Variants in ADGRB3 observed in about 807,000 individuals in gnomAD.
ADGRB3 encodes the protein brain-specific angiogenesis inhibitor 3.
In ADGRB3, 37 loss-of-function variants were observed where a neutral mutation model predicts 193.4. That is an observed-to-expected ratio of 0.19 (90% CI 0.15 to 0.25). The LOEUF (loss-of-function observed/expected upper bound fraction) is 0.25, where lower values mean the gene tolerates loss of function less well. ADGRB3 is among the 10% of genes least tolerant of loss of function. The probability of loss-of-function intolerance (pLI) is 1.00; values close to 1 mark genes in which losing one functional copy is unlikely to be tolerated. For missense variants in ADGRB3, 1,637 were observed against 1,852.9 expected (o/e 0.88, Z 2.14); for synonymous variants, 690 against 644.2 (o/e 1.07, Z -1.08).
chr6:69,332,544 C>T, intron 23 of ADGRB3: 1 of 985,406 alleles, frequency 1.0e-6, no homozygotes, highest in South Asian at 4.7e-5. Context: ...CTCTAAGATT[C>T]AGAATCTCCT....
At chr6:69,024,858 C>T (rs983296794) in intron 13 of ADGRB3, among the ~76,000 whole-genome samples, 3 of 151,928 alleles carry the variant, frequency 2.0e-5, no homozygotes, top group Admixed American at 6.6e-5. Context: ...TTTGGGAGGC[C>T]GAGGCAGGCG....
At chr6:68,711,074 A>C (rs1302512872) in intron 3 of ADGRB3, among the ~76,000 whole-genome samples, 2 of 152,034 alleles carry the variant, frequency 1.3e-5, no homozygotes, top group Non-Finnish European at 1.5e-5. Flanking sequence ...GTATCAGTAC[A>C]TTCTTTGTTT....
At chr6:69,232,979 T>C in intron 17 of ADGRB3, 2 of 435,302 alleles carry the variant, frequency 4.6e-6, no homozygotes, top group South Asian at 6.5e-5. Context: ...CTCTGGCGGC[T>C]GCTCGTGCTG....
intron 17 of ADGRB3, among the ~76,000 whole-genome samples, chr6:69,209,395 G>A (rs556510601): frequency 6.6e-5 from 10 of 152,246 alleles, no homozygotes; most frequent in African/African-American, 2.4e-4. Flanking sequence ...CACACCAATA[G>A]GCCCCTAGAA....
chr6:68,780,055 TTTACATTGCA>T, intron 3 of ADGRB3, among the ~76,000 whole-genome samples: 1 of 152,206 alleles, frequency 6.6e-6, no homozygotes, highest in Non-Finnish European at 1.5e-5. Context: ...AACTGGTTGT[TTTACATTGCA>T]TAGCCCCTTT....
chr6:68,888,855 G>A (rs1484463163), intron 3 of ADGRB3, among the ~76,000 whole-genome samples: 1 of 152,170 alleles, frequency 6.6e-6, no homozygotes, highest in Non-Finnish European at 1.5e-5. Context: ...ACAGGAATGT[G>A]CTTGGTCCTC....
At chr6:69,269,472 A>G (rs1268922307) in intron 20 of ADGRB3, among the ~76,000 whole-genome samples, 2 of 152,200 alleles carry the variant, frequency 1.3e-5, no homozygotes, top group Non-Finnish European at 2.9e-5. Context: ...TTGTAGTTGC[A>G]TGTTCAAAAT....
chr6:69,312,435 T>C (rs1259722755), intron 20 of ADGRB3, among the ~76,000 whole-genome samples: 2 of 151,736 alleles, frequency 1.3e-5, no homozygotes, highest in Non-Finnish European at 2.9e-5. Flanking sequence ...ATTTGAAATA[T>C]AAGCACAGAT....
At chr6:68,900,567 G>A (rs560042061) in intron 3 of ADGRB3, among the ~76,000 whole-genome samples, 9 of 152,258 alleles carry the variant, frequency 5.9e-5, no homozygotes, top group African/African-American at 1.4e-4. Flanking sequence ...GACCCATTCT[G>A]TGAATTTCAG....
At chr6:69,092,678 C>T (rs1209931156) in intron 17 of ADGRB3, among the ~76,000 whole-genome samples, 6 of 151,858 alleles carry the variant, frequency 4.0e-5, no homozygotes, top group Non-Finnish European at 5.9e-5. Context: ...CGTAAAGAGA[C>T]GGTTACAGTT....
At chr6:69,035,755 G>A (rs1770849842) in intron 13 of ADGRB3, among the ~76,000 whole-genome samples, 1 of 152,144 alleles carries the variant, frequency 6.6e-6, no homozygotes, top group African/African-American at 2.4e-5. Context: ...GACAGTCAAG[G>A]TGGGCATGAG....
rs1404588128 is a variant in ADGRB3, at chr6:68,635,705, C to G, written c.-483C>G. ...GTCTCCCTTGGGGGGGCTTCTCCCT[C>G]CCTTTAGCCCCCCTCGGTTTGGAGG... On this transcript the variant is annotated 5_prime_UTR_variant, in exon 1 of 32. Transcript: ENST00000370598. 6.6e-6 allele frequency: 1 copy of G among 152,302 alleles called. No individual in the cohort carries two copies. The allele number at this position is 152,302 out of a possible 1,614,324, so 9.4% of individuals were successfully genotyped here.
At chr6:68,832,660 C>T (rs1326026831) in intron 3 of ADGRB3, among the ~76,000 whole-genome samples, 1 of 152,040 alleles carries the variant, frequency 6.6e-6, no homozygotes, top group Admixed American at 6.6e-5. Flanking sequence ...CTAGAAAGAT[C>T]AATTAAGGGT....
intron 17 of ADGRB3, among the ~76,000 whole-genome samples, chr6:69,091,377 A>G (rs960785454): frequency 6.6e-6 from 1 of 152,220 alleles, no homozygotes; most frequent in African/African-American, 2.4e-5. Flanking sequence ...TAGCAAAGAC[A>G]TGGAATCAGC....
intron 3 of ADGRB3, among the ~76,000 whole-genome samples, chr6:68,690,069 T>C (rs1374214186): frequency 6.6e-6 from 1 of 152,156 alleles, no homozygotes; most frequent in Non-Finnish European, 1.5e-5. Flanking sequence ...ATTGAAGCAC[T>C]TGGACTCCTG....
chr6:68,774,364 A>C (rs922674956), intron 3 of ADGRB3, among the ~76,000 whole-genome samples: 1 of 145,796 alleles, frequency 6.9e-6, no homozygotes, highest in African/African-American at 2.6e-5. Flanking sequence ...ATCTTCCACT[A>C]TGCCTATTTT....
chr6:69,181,301 T>A (rs1775576552), intron 17 of ADGRB3, among the ~76,000 whole-genome samples: 1 of 152,146 alleles, frequency 6.6e-6, no homozygotes, highest in Non-Finnish European at 1.5e-5. Context: ...AAAAAAAATG[T>A]GTTAATGTTT....
intron 17 of ADGRB3, among the ~76,000 whole-genome samples, chr6:69,194,290 C>T (rs1582534860): frequency 6.6e-6 from 1 of 152,212 alleles, no homozygotes; most frequent in South Asian, 2.1e-4. Flanking sequence ...GTCCCTTGTA[C>T]AGCAGGGACT....
intron 10 of ADGRB3, among the ~76,000 whole-genome samples, chr6:68,978,168 T>C (rs1207883181): frequency 6.6e-6 from 1 of 151,540 alleles, no homozygotes; most frequent in Non-Finnish European, 1.5e-5. Flanking sequence ...GGCATTAATA[T>C]TTCTGGGTTC....
Sources: gnomAD v4.1 joint callset for allele counts (sites outside exome capture counted in the v4.1 genomes callset) on GRCh38, gnomAD v4.1.1 for gene constraint, MANE v1.5 for transcripts, NCBI Gene and HGNC (gene_info 2026-07-23, HGNC 2026-07-21) for gene names.